Variants in ZC2HC1A observed in about 807,000 individuals in gnomAD.
ZC2HC1A encodes zinc finger C2HC-type containing 1A, also known as zinc finger C2HC domain-containing protein 1A.
In ZC2HC1A, 28 loss-of-function variants were observed where a neutral mutation model predicts 40.7. The ratio of observed to expected loss-of-function variants is 0.69; its 90% CI spans 0.51 to 0.94. The LOEUF is 0.94. Ranked by LOEUF, ZC2HC1A falls within the 40% of genes least tolerant of loss-of-function variation. The probability of loss-of-function intolerance (pLI) is 0.00; values close to 1 mark genes in which losing one functional copy is unlikely to be tolerated. For synonymous variants in ZC2HC1A, 129 were observed against 129.2 expected (o/e 1.00, Z 0.01); for missense variants, 389 against 386.3 (o/e 1.01, Z -0.06).
At chr8:78,696,137 C>T (rs1461804647) in intron 5 of ZC2HC1A, among the ~76,000 whole-genome samples, 1 of 151,922 alleles carries the variant, frequency 6.6e-6, no homozygotes, top group African/African-American at 2.4e-5. Flanking sequence ...TGGGTTCACG[C>T]CATTCTCCTG....
chr8:78,680,315 A>G (rs1220446867), intron 3 of ZC2HC1A, among the ~76,000 whole-genome samples: 1 of 132,940 alleles, frequency 7.5e-6, no homozygotes. Context: ...AAAAAAAAAA[A>G]GCAAAGTAAA....
intron 5 of ZC2HC1A, among the ~76,000 whole-genome samples, chr8:78,691,482 A>T (rs920997930): frequency 6.6e-6 from 1 of 151,948 alleles, no homozygotes; most frequent in Non-Finnish European, 1.5e-5. Flanking sequence ...GTGTTTTTGC[A>T]TTGCTATAAT....
chr8:78,715,161 A>G, intron 7 of ZC2HC1A, 60 bp from the exon 8 acceptor site: 2 of 1,452,454 alleles, frequency 1.4e-6, no homozygotes, highest in Non-Finnish European at 1.9e-6. Flanking sequence ...TGAATAGGTA[A>G]TTTGAGAAAT....
rs144846240 is a variant in ZC2HC1A, at chr8:78,717,944, G to A, written c.*451G>A. 873 of 152,506 alleles carry A rather than the reference G, an allele frequency of 5.7e-3. 8 individuals are homozygous for A. The highest frequency in any genetic ancestry group is 0.02 in the African/African-American group (817 of 41,466). The allele number at this position is 152,506 out of a possible 1,614,324, so 9.4% of individuals were successfully genotyped here. On this transcript the variant is annotated 3_prime_UTR_variant, in exon 9 of 9. Transcript: ENST00000263849. ...TAGTATCATAGTAGGATAGATGCTG[G>A]GAATTTTGTAATTAAAGAGAACAGT...
intron 3 of ZC2HC1A, chr8:78,678,890 T>G (rs1809671611): frequency 3.3e-6 from 1 of 304,784 alleles, no homozygotes; most frequent in African/African-American, 2.2e-5. Flanking sequence ...CTTCTAAACT[T>G]CAAAGAAGAG....
chr8:78,677,796 G>A (rs969812628), intron 2 of ZC2HC1A, among the ~76,000 whole-genome samples: 52 of 152,252 alleles, frequency 3.4e-4, no homozygotes, highest in African/African-American at 1.1e-3. Flanking sequence ...AATTTAGGGC[G>A]AGTTCGCAGT....
chr8:78,687,541 T>A (rs953047315), intron 4 of ZC2HC1A, among the ~76,000 whole-genome samples: 1 of 143,724 alleles, frequency 7.0e-6, no homozygotes, highest in African/African-American at 2.5e-5. Flanking sequence ...TATATTTATA[T>A]AATAAATTTT....
intron 7 of ZC2HC1A, among the ~76,000 whole-genome samples, chr8:78,706,786 T>A (rs1810786980): frequency 6.6e-6 from 1 of 152,158 alleles, no homozygotes; most frequent in Non-Finnish European, 1.5e-5. Context: ...AAGATATCTG[T>A]CAAATGATAG....
At chr8:78,692,114 A>C (rs373617884) in intron 5 of ZC2HC1A, among the ~76,000 whole-genome samples, 1 of 152,168 alleles carries the variant, frequency 6.6e-6, no homozygotes, top group African/African-American at 2.4e-5. Context: ...TCACCATGCT[A>C]TGCAGTATAT....
Position 78,669,967 on chromosome 8 carries a change from C to CTTT in ZC2HC1A, c.16+3804_16+3806dup, listed in dbSNP as rs371762916. Among the ~76,000 whole-genome samples, 12 of 123,030 alleles carry CTTT rather than the reference C, an allele frequency of 9.8e-5. 1 individual carries two copies. The highest frequency in any genetic ancestry group is 7.4e-4 in the South Asian group (3 of 4,074). The allele number at this position is 123,030 out of a possible 152,430, so 80.7% of individuals were successfully genotyped here. A position where few individuals can be genotyped will look rare whatever the true frequency, so the allele number is the denominator to read the frequency against. ...AATGTATTTCTTTCTTTCTTTCTTTCTTTCTTTTTTTTTTTTTGATACGGA... is the reference window on the plus strand; with the variant it reads ...AATGTATTTCTTTCTTTCTTTCTTTCTTTTTTCTTTTTTTTTTTTTGATACGGA... On this transcript the variant is annotated intron_variant, in intron 1 of 8. Transcript: ENST00000263849.
intron 5 of ZC2HC1A, among the ~76,000 whole-genome samples, chr8:78,693,150 G>C (rs538703456): frequency 6.6e-6 from 1 of 152,138 alleles, no homozygotes; most frequent in African/African-American, 2.4e-5. Flanking sequence ...ATTTGGGTTG[G>C]TTCCAAGTCT....
At chr8:78,712,751 A>C (rs1185163565) in intron 7 of ZC2HC1A, among the ~76,000 whole-genome samples, 1 of 152,160 alleles carries the variant, frequency 6.6e-6, no homozygotes, top group African/African-American at 2.4e-5. Flanking sequence ...AAGGTTTACT[A>C]ATTTGGGTCT....
chr8:78,686,724 T>C (rs1002875096), intron 4 of ZC2HC1A, 116 bp downstream of exon 4: 1 of 1,141,564 alleles, frequency 8.8e-7, no homozygotes, highest in Non-Finnish European at 1.1e-6. Flanking sequence ...TGAGGCATAA[T>C]CTTTAAAATT....
intron 5 of ZC2HC1A, among the ~76,000 whole-genome samples, chr8:78,694,235 T>C (rs951451036): frequency 6.6e-6 from 1 of 152,154 alleles, no homozygotes; most frequent in African/African-American, 2.4e-5. Context: ...GTTTGTAATG[T>C]GTGTCTGATA....
In ZC2HC1A at chr8:78,706,312, G is replaced by A. The variant is rs553766037; in HGVS notation, c.704+7799G>A. ...AGCCTTTTTTCCTAAGGGTATGTACGGGGGTCTAACATCCTGCTTTGCTGG... is the reference window on the plus strand; with the variant it reads ...AGCCTTTTTTCCTAAGGGTATGTACAGGGGTCTAACATCCTGCTTTGCTGG... On this transcript the variant is annotated intron_variant, in intron 7 of 8. Coordinates refer to ENST00000263849, the MANE Select transcript of ZC2HC1A (RefSeq NM_016010.3). 2.0e-4 allele frequency among the ~76,000 whole-genome samples: 31 copies of A among 152,222 alleles called. No individual in the cohort carries two copies. In the East Asian group the frequency reaches 3.7e-3, roughly 18 times the overall value.
At chr8:78,693,448 A>AT (rs1251050170) in intron 5 of ZC2HC1A, among the ~76,000 whole-genome samples, 2 of 152,000 alleles carry the variant, frequency 1.3e-5, no homozygotes, top group Non-Finnish European at 2.9e-5. Context: ...ATGGTATCTC[A>AT]TTGTGGTTTT....
Position 78,718,058 on chromosome 8 carries a change from AC to A in ZC2HC1A, c.*569del, listed in dbSNP as rs1811161863. ...ATCCGAAAAACTAAGAGAAAAAAAA[AC>A]CCCTCTATTAGTTACGTAATTTAAA... On this transcript the variant is annotated 3_prime_UTR_variant, in exon 9 of 9. Coordinates refer to ENST00000263849, the MANE Select transcript of ZC2HC1A (RefSeq NM_016010.3). 1 of 151,952 alleles carries A rather than the reference AC, an allele frequency of 6.6e-6. No homozygotes were observed. Among genetic ancestry groups the A allele is most frequent in the Non-Finnish European group, 1.5e-5 (1 of 67,898 alleles). The allele number at this position is 151,952 out of a possible 1,614,324, so 9.4% of individuals were successfully genotyped here.
At chr8:78,687,502 T>G (rs1384923144) in intron 4 of ZC2HC1A, among the ~76,000 whole-genome samples, 1 of 142,944 alleles carries the variant, frequency 7.0e-6, no homozygotes, top group Non-Finnish European at 1.5e-5. Context: ...GTTTATATAA[T>G]AAATTATATA....
At chr8:78,674,940 G>A (rs571664918) in intron 1 of ZC2HC1A, among the ~76,000 whole-genome samples, 24 of 152,158 alleles carry the variant, frequency 1.6e-4, no homozygotes, top group African/African-American at 5.5e-4. Context: ...TGGGGAACAT[G>A]TTACATGTTT....
Sources: allele counts gnomAD v4.1 joint callset (sites outside exome capture counted in the v4.1 genomes callset), GRCh38; gene constraint gnomAD v4.1.1; transcripts MANE v1.5; gene names NCBI Gene and HGNC (gene_info 2026-07-23, HGNC 2026-07-21).